REC8: variants seen among roughly 807,000 people sequenced by gnomAD.
REC8 encodes REC8 meiotic recombination protein.
REC8 carries 42 observed loss-of-function variants against 78.3 expected under a neutral mutation model. The ratio of observed to expected loss-of-function variants is 0.54; its 90% CI spans 0.42 to 0.69. The LOEUF (loss-of-function observed/expected upper bound fraction) is 0.69. REC8 is among the 30% of genes least tolerant of loss of function. The pLI is 0.00. For missense variants in REC8, 581 were observed against 715.8 expected (o/e 0.81, Z 2.15); for synonymous variants, 268 against 274.1 (o/e 0.98, Z 0.22).
Position 24,179,403 on chromosome 14 carries a change from C to T in REC8, c.1259C>T (p.Ser420Phe). ...SVPLMVSLEI[S>F]LEAAEEEKSR... The stretch of plus-strand genomic sequence containing the variant: ...GCCTTTCCTCCCCCAACAGAGATCT[C>T]CCTAGAGGCAGCTGAAGAGGAGAAG... The change falls in exon 16 of 19, where the codon TCC becomes TTC. Residue 420 changes from serine (S) to phenylalanine (F), a missense_variant. Physicochemically the swap from Ser to Phe is radical, Grantham distance 155. Transcript: ENST00000611366. 1 of 1,614,050 alleles carries T rather than the reference C, an allele frequency of 6.2e-7. No homozygotes were observed.
rs368373629 is a variant in REC8, at chr14:24,172,521, G to A, written c.-32G>A. 1.9e-4 allele frequency: 299 copies of A among 1,597,814 alleles called. No homozygotes were observed. Among genetic ancestry groups the A allele is most frequent in the Non-Finnish European group, 2.4e-4 (282 of 1,168,540 alleles). On this transcript the variant is annotated 5_prime_UTR_variant, in exon 1 of 19. Transcript: ENST00000611366. The stretch of plus-strand genomic sequence containing the variant: ...CCGACTCAGATCCGAACGGGGATCT[G>A]GTGGAATCGAGGGTGAAAGACCAGA...
At chr14:24,180,629 T>C (rs2273911), downstream of REC8, 701,220 of 1,611,274 alleles carry the variant, frequency 0.44, 161,012 homozygotes, top group East Asian at 0.79. Flanking sequence ...TGCCCCAGGC[T>C]CTCTGAGCCC....
chr14:24,177,924 G>A, intron 11 of REC8, 166 bp downstream of exon 11: 2 of 1,494,856 alleles, frequency 1.3e-6, no homozygotes. Context: ...CTTCCCAGAT[G>A]GGTACCCTTA....
downstream of REC8, chr14:24,180,397 G>A: frequency 6.3e-7 from 1 of 1,585,692 alleles, no homozygotes. Flanking sequence ...TGGTCTTAAG[G>A]CCTGGGCAGG....
chr14:24,178,105 C>A lies in REC8; in HGVS notation c.879C>A (p.Val293=), dbSNP rs776598762. Residue 293 remains valine (V), a synonymous_variant, in exon 12 of 19, where the codon GTC becomes GTA. Transcript: ENST00000611366. ...CCACTCAACAGAGGAGGCCCCCAGT[C>A]CCCCCACCTCCTCGCCGCCGCCGTC... ...APPSPERRPP[V]PPPPRRRRRR... is the part of the protein sequence containing the mutation. 21 of 1,613,310 alleles carry A rather than the reference C, an allele frequency of 1.3e-5. No individual in the cohort carries two copies. The South Asian group carries it at 2.1e-4, about 16-fold the overall frequency.
intron 8 of REC8, 53 bp from the exon 9 acceptor site, chr14:24,177,300 A>G (rs2038941768): frequency 1.9e-6 from 3 of 1,613,768 alleles, no homozygotes; most frequent in Admixed American, 1.7e-5. Flanking sequence ...GGGACTGGGC[A>G]ATGCTCCCAT....
In REC8 at chr14:24,172,516, G is replaced by A; in HGVS notation, c.-37G>A. On this transcript the variant is annotated 5_prime_UTR_variant, in exon 1 of 19. Coordinates refer to ENST00000611366, the MANE Select transcript of REC8 (RefSeq NM_001048205.2). ...GAATTCCGACTCAGATCCGAACGGGGATCTGGTGGAATCGAGGGTGAAAGA... is the reference window on the plus strand; with the variant it reads ...GAATTCCGACTCAGATCCGAACGGGAATCTGGTGGAATCGAGGGTGAAAGA... 6.3e-7 allele frequency: 1 copy of A among 1,593,838 alleles called. No individual in the cohort carries two copies. The highest frequency in any genetic ancestry group is 8.6e-7 in the Non-Finnish European group (1 of 1,165,710).
In REC8 at chr14:24,173,208, C is replaced by CCCTG; in HGVS notation, c.341+11_341+14dup. The CCCTG allele has an allele frequency of 3.7e-6, 6 of 1,614,124 alleles. No homozygotes were observed. In the South Asian group the frequency reaches 6.6e-5, roughly 18 times the overall value. On this transcript the variant is annotated intron_variant, in intron 4 of 18. Transcript: ENST00000611366. The stretch of plus-strand genomic sequence containing the variant: ...ATATGGAGACTGAGCTGTGAGTGTG[C>CCCTG]CCTGGGCCTTTGATGGAACACCTGC...
At chr14:24,173,655 T>A (rs1594407223) in intron 5 of REC8, among the ~76,000 whole-genome samples, 1 of 152,192 alleles carries the variant, frequency 6.6e-6, no homozygotes, top group Non-Finnish European at 1.5e-5. Flanking sequence ...GTCTCCACAC[T>A]GTTTTCACTG....
chr14:24,178,548 G>A, intron 12 of REC8, 58 bp from the exon 13 acceptor site: 1 of 1,563,086 alleles, frequency 6.4e-7, no homozygotes, highest in East Asian at 2.3e-5. Flanking sequence ...AAGAGGCAAA[G>A]GGGCCCTGAG....
At chr14:24,180,601 G>C, downstream of REC8, 1 of 1,612,236 alleles carries the variant, frequency 6.2e-7, no homozygotes, top group Non-Finnish European at 8.5e-7. Flanking sequence ...AGAAAGGTCG[G>C]GGCTCCTAAA....
chr14:24,173,142 C>T lies in REC8; in HGVS notation c.285C>T (p.Ile95=). Residue 95 remains isoleucine (I), a synonymous_variant, in exon 4 of 19, where the codon ATC becomes ATT. Coordinates refer to ENST00000611366, the MANE Select transcript of REC8 (RefSeq NM_001048205.2). The part of the protein sequence containing the change: ...CQYLVEDIQH[I]LERLHRAQLQ... The stretch of plus-strand genomic sequence containing the variant: ...TGCCCACAGAGGACATCCAGCACAT[C>T]TTGGAGCGCCTCCACCGTGCCCAGC... 1 of 1,614,138 alleles carries T rather than the reference C, an allele frequency of 6.2e-7. No individual in the cohort carries two copies. The highest frequency in any genetic ancestry group is 8.5e-7 in the Non-Finnish European group (1 of 1,180,038).
rs546647670 is a variant in REC8 at position 24,179,470 on chromosome 14, G to A, written c.1319+7G>A. ...TCCCACCAGAAGAACGGTGGTAAGC[G>A]GCCAGGCTCCGTGGGAGCCAGGGCC... is the stretch of plus-strand genomic sequence containing the variant. On this transcript the variant is annotated splice_region_variant and intron_variant, in intron 16 of 18. Transcript: ENST00000611366. 48 of 1,614,092 alleles carry A rather than the reference G, an allele frequency of 3.0e-5. No homozygotes were observed. The highest frequency in any genetic ancestry group is 1.8e-4 in the East Asian group (8 of 44,880).
chr14:24,177,673 G>A lies in REC8; in HGVS notation c.815-36G>A, dbSNP rs768883502. 1.1e-5 allele frequency: 17 copies of A among 1,601,128 alleles called. No homozygotes were observed. In the South Asian group the frequency reaches 1.7e-4, roughly 16 times the overall value. Reference sequence around the variant, plus strand: ...GCCCTGGCATCTGCAAGGGGTAAGGGGCTTATGGGACAGAGCCCCTTGGGT... The same window carrying A: ...GCCCTGGCATCTGCAAGGGGTAAGGAGCTTATGGGACAGAGCCCCTTGGGT... On this transcript the variant is annotated intron_variant, in intron 10 of 18. Coordinates refer to ENST00000611366, the MANE Select transcript of REC8 (RefSeq NM_001048205.2).
Position 24,179,781 on chromosome 14 carries a change from T to C in REC8, c.1452-19T>C, listed in dbSNP as rs747898491. ...GGACCCGGGCTGAAGCCTCTGCTAATGGTTCTTGATCCCTATAGGGCAGTG... is the reference window on the plus strand; with the variant it reads ...GGACCCGGGCTGAAGCCTCTGCTAACGGTTCTTGATCCCTATAGGGCAGTG... On this transcript the variant is annotated intron_variant, in intron 17 of 18. Transcript: ENST00000611366. 7 of 1,614,000 alleles carry C rather than the reference T, an allele frequency of 4.3e-6. No individual in the cohort carries two copies. The South Asian group carries it at 7.7e-5, about 18-fold the overall frequency.
In REC8 at chr14:24,179,387, C is replaced by T. The variant is rs1207831540; in HGVS notation, c.1253-10C>T. The T allele has an allele frequency of 1.2e-6, 2 of 1,613,812 alleles. No individual in the cohort carries two copies. The highest frequency in any genetic ancestry group is 2.7e-5 in the African/African-American group (2 of 74,916). ...GCAGACACCCACTAGCGCCTTTCCT[C>T]CCCCAACAGAGATCTCCCTAGAGGC... On this transcript the variant is annotated splice_polypyrimidine_tract_variant and intron_variant, in intron 15 of 18. Transcript: ENST00000611366.
In REC8 at chr14:24,180,099, T is replaced by TA. The variant is rs757367742; in HGVS notation, c.*5dup. The TA allele has an allele frequency of 1.5e-5, 25 of 1,614,026 alleles. No individual in the cohort carries two copies. Among genetic ancestry groups the TA allele is most frequent in the African/African-American group, 5.3e-5 (4 of 74,920 alleles). ...GCCGGGGCCCAGATTCCACTGAGGT[T>TA]AGAGTCCATTTACAAAGCTGCCAGG... On this transcript the variant is annotated 3_prime_UTR_variant, in exon 19 of 19. Transcript: ENST00000611366.
At chr14:24,180,822 A>T, downstream of REC8, 14 of 1,436,226 alleles carry the variant, frequency 9.7e-6, no homozygotes, top group African/African-American at 7.0e-5. Flanking sequence ...GAGGGTGGTC[A>T]GGACCAAGGA....
Position 24,172,369 on chromosome 14 carries a change from A to G in REC8, c.-184A>G. ...CTCCTGCGTCTCAGTTATCCTGGTA[A>G]TTGTGTATCTGCCCATTGTTCGTTG... On this transcript the variant is annotated 5_prime_UTR_variant, in exon 1 of 19. Coordinates refer to ENST00000611366, the MANE Select transcript of REC8 (RefSeq NM_001048205.2). The G allele has an allele frequency of 1.7e-6, 1 of 600,886 alleles. No homozygotes were observed. The highest frequency in any genetic ancestry group is 2.1e-5 in the South Asian group (1 of 47,238). 37.2% of individuals were successfully genotyped at this position (600,886 alleles called of 1,614,324 possible).
Sources: allele counts gnomAD v4.1 joint callset (sites outside exome capture counted in the v4.1 genomes callset), GRCh38; gene constraint gnomAD v4.1.1; transcripts MANE v1.5; gene names NCBI Gene and HGNC (gene_info 2026-07-23, HGNC 2026-07-21).